ARHGAP22: variants seen among roughly 807,000 people sequenced by gnomAD.
ARHGAP22 encodes Rho GTPase activating protein 22.
In ARHGAP22, 48 loss-of-function variants were observed where a neutral mutation model predicts 59.1. The ratio of observed to expected loss-of-function variants is 0.81; its 90% CI spans 0.64 to 1.03. ARHGAP22 has a LOEUF of 1.03. Ranked by LOEUF, ARHGAP22 falls within the 50% of genes least tolerant of loss-of-function variation. ARHGAP22 has a pLI of 0.00. For synonymous variants in ARHGAP22, 445 were observed against 416.4 expected, an observed-to-expected ratio of 1.07 and a Z score of -0.84; for missense variants, 1,015 against 958.7, an observed-to-expected ratio of 1.06 and a Z score of -0.78.
At chr10:48,640,702 T>C (rs2062009275) in intron 1 of ARHGAP22, among the ~76,000 whole-genome samples, 1 of 152,224 alleles carries the variant, frequency 6.6e-6, no homozygotes, top group Non-Finnish European at 1.5e-5. Flanking sequence ...TGCTAGCTGA[T>C]CTATGTTATA....
intron 3 of ARHGAP22, among the ~76,000 whole-genome samples, chr10:48,488,700 C>T (rs1048116549): frequency 2.5e-4 from 38 of 152,216 alleles, no homozygotes; most frequent in African/African-American, 8.7e-4. Flanking sequence ...AGGTGCCATG[C>T]TTTGCCTGGC....
rs1414100606 is a variant in ARHGAP22, at chr10:48,511,134, C to T, written c.323-31370G>A. Among the ~76,000 whole-genome samples the T allele has an allele frequency of 3.3e-5, 5 of 152,170 alleles. No homozygotes were observed. In the East Asian group the frequency reaches 9.6e-4, roughly 29 times the overall value. ...CACGGCACGGCAGCCAGGACCTCAC[C>T]AAGTTAGAAGGTGCTGGTGTCTACA... On this transcript the variant is annotated intron_variant, in intron 3 of 9. Transcript: ENST00000249601.
chr10:48,441,194 G>A (rs1209271211), downstream of ARHGAP22, among the ~76,000 whole-genome samples: 3 of 152,168 alleles, frequency 2.0e-5, no homozygotes, highest in African/African-American at 4.8e-5. Context: ...TTGTTTGCTT[G>A]TATGGCCCTT....
upstream of ARHGAP22, among the ~76,000 whole-genome samples, chr10:48,609,020 T>C (rs2060780945): frequency 6.6e-6 from 1 of 152,244 alleles, no homozygotes; most frequent in Non-Finnish European, 1.5e-5. Flanking sequence ...GACATCATGC[T>C]GGTAGTTTGA....
At chr10:48,557,112 G>T (rs981573926) in intron 2 of ARHGAP22, among the ~76,000 whole-genome samples, 1 of 151,370 alleles carries the variant, frequency 6.6e-6, no homozygotes, top group Admixed American at 6.6e-5. Context: ...GGTAATCTTT[G>T]TAACTGAATT....
intron 2 of ARHGAP22, among the ~76,000 whole-genome samples, chr10:48,560,876 T>TA (rs1366313596): frequency 6.6e-6 from 1 of 152,162 alleles, no homozygotes; most frequent in African/African-American, 2.4e-5. Context: ...TTTTCTTTTT[T>TA]ATGTATTGTT....
intron 3 of ARHGAP22, among the ~76,000 whole-genome samples, chr10:48,539,290 C>CTTTTTTTTTTTTTTTTTTTTTTT (rs553835954): frequency 1.5e-5 from 2 of 129,306 alleles, no homozygotes; most frequent in African/African-American, 6.3e-5. Context: ...AGAAGGGTAA[C>CTTTTTTTTTTTTTTTTTTTTTTT]ATTTTTTTTT....
rs776314747 is a variant in ARHGAP22, at chr10:48,450,816, A to G, written c.1313T>C (p.Leu438Pro). 5 of 1,584,594 alleles carry G rather than the reference A, an allele frequency of 3.2e-6. No homozygotes were observed. The highest frequency in any genetic ancestry group is 1.7e-5 in the Admixed American group (1 of 57,210). ...WKSSFRQPRS[L>P]SGSPKGGGSS... ...GCCGCCCCCCTTCGGGCTTCCCGAT[A>G]GGGACCTCGGCTGCCGGAAGGAGGA... is the stretch of plus-strand genomic sequence containing the variant. Residue 438 changes from leucine to proline, a missense_variant, in exon 9 of 10, where the codon CTA becomes CCA. Physicochemically the swap from Leu to Pro is moderately conservative, Grantham distance 98. Coordinates refer to ENST00000249601, the MANE Select transcript of ARHGAP22 (RefSeq NM_021226.4).
At chr10:48,655,825 G>A, upstream of ARHGAP22, 1 of 152,814 alleles carries the variant, frequency 6.5e-6, no homozygotes, top group Non-Finnish European at 1.5e-5. Context: ...CATTAGCCTG[G>A]CACCTGGCAG....
chr10:48,458,632 C>T (rs1017786322), intron 5 of ARHGAP22, among the ~76,000 whole-genome samples: 4 of 152,282 alleles, frequency 2.6e-5, no homozygotes, highest in African/African-American at 7.2e-5. Context: ...CCAAAAGTCT[C>T]GGCTCCCAGG....
chr10:48,556,293 T>C (rs1490113436), intron 2 of ARHGAP22, among the ~76,000 whole-genome samples: 6 of 136,802 alleles, frequency 4.4e-5, no homozygotes, highest in Admixed American at 1.6e-4. Context: ...GGGACATGTC[T>C]CAGGAGGGTC....
Position 48,450,514 on chromosome 10 carries a change from C to A in ARHGAP22, c.1615G>T (p.Ala539Ser), listed in dbSNP as rs2045813914. Residue 539 changes from alanine to serine, a missense_variant, in exon 9 of 10, where the codon GCC (alanine) becomes TCC (serine). Physicochemically the swap from Ala to Ser is moderately conservative, Grantham distance 99. Coordinates refer to ENST00000249601, the MANE Select transcript of ARHGAP22 (RefSeq NM_021226.4). ...CTACRASDSS[A>S]RSSLHTDWAL... Reference sequence around the variant, plus strand: ...CAGTCGGTGTGCAGGGAACTGCGGGCAGACGAGTCGCTGGCGCGGCAGGCC... The same window carrying A: ...CAGTCGGTGTGCAGGGAACTGCGGGAAGACGAGTCGCTGGCGCGGCAGGCC... The A allele has an allele frequency of 6.6e-7, 1 of 1,526,558 alleles. No homozygotes were observed. The highest frequency in any genetic ancestry group is 8.8e-7 in the Non-Finnish European group (1 of 1,137,052). The allele number at this position is 1,526,558 out of a possible 1,614,324, so 94.6% of individuals were successfully genotyped here. A position where few individuals can be genotyped will look rare whatever the true frequency, so the allele number is the denominator to read the frequency against.
chr10:48,576,902 T>C (rs555460164), intron 2 of ARHGAP22, among the ~76,000 whole-genome samples: 5,786 of 141,300 alleles, frequency 0.041, 394 homozygotes, highest in African/African-American at 0.14. Flanking sequence ...CACTCACCCA[T>C]CCCTCCCCAC....
intron 1 of ARHGAP22, among the ~76,000 whole-genome samples, chr10:48,584,769 C>T (rs539090996): frequency 5.9e-5 from 9 of 152,118 alleles, no homozygotes; most frequent in Admixed American, 1.3e-4. Context: ...CCAAGGCGGG[C>T]GGATCACGAG....
At chr10:48,654,848 CT>C (rs2062711392), upstream of ARHGAP22, among the ~76,000 whole-genome samples, 1 of 128,232 alleles carries the variant, frequency 7.8e-6, no homozygotes, top group Non-Finnish European at 1.6e-5. Context: ...CTTCCTCTCT[CT>C]TTTCTTTCTC....
chr10:48,431,303 A>G, the ARHGAP22 span: 1 of 1,443,080 alleles, frequency 6.9e-7, no homozygotes, highest in Non-Finnish European at 9.7e-7. Context: ...TTAAGATTAC[A>G]GTTTACTTCT....
upstream of ARHGAP22, among the ~76,000 whole-genome samples, chr10:48,606,263 G>A (rs1384832864): frequency 2.0e-5 from 3 of 152,294 alleles, no homozygotes; most frequent in Admixed American, 6.5e-5. Context: ...GCTGTAGAGG[G>A]AGAGAGCCCA....
intron 6 of ARHGAP22, 112 bp from the exon 7 acceptor site, chr10:48,454,273 C>G: frequency 2.1e-6 from 2 of 945,966 alleles, no homozygotes; most frequent in South Asian, 1.4e-5. Flanking sequence ...GGCAGCCCAG[C>G]CCCAACAGAC....
Position 48,575,818 on chromosome 10 carries a change from C to A in ARHGAP22, c.234+7135G>T, listed in dbSNP as rs1255763835. Among the ~76,000 whole-genome samples the A allele has an allele frequency of 1.3e-5, 2 of 152,194 alleles. 1 individual carries two copies. The highest frequency in any genetic ancestry group is 2.9e-5 in the Non-Finnish European group (2 of 68,038). The stretch of plus-strand genomic sequence containing the variant: ...ACCTGCCATGTTCCCTCCCCTGCTT[C>A]TTCCAAGGCCCCCAGCCCTTGTTCC... On this transcript the variant is annotated intron_variant, in intron 2 of 9. Coordinates refer to ENST00000249601, the MANE Select transcript of ARHGAP22 (RefSeq NM_021226.4).
Sources: gnomAD v4.1 joint callset for allele counts (sites outside exome capture counted in the v4.1 genomes callset) on GRCh38, gnomAD v4.1.1 for gene constraint, MANE v1.5 for transcripts, NCBI Gene and HGNC (gene_info 2026-07-23, HGNC 2026-07-21) for gene names.